CAMK2D: variants seen among roughly 807,000 people sequenced by gnomAD.
The protein encoded by CAMK2D is calcium/calmodulin-dependent protein kinase type II subunit delta.
Under a neutral mutation model 84.0 loss-of-function variants are expected in CAMK2D, and 37 were observed. The ratio of observed to expected loss-of-function variants is 0.44; its 90% CI spans 0.34 to 0.58. The LOEUF (loss-of-function observed/expected upper bound fraction) is 0.58, where lower values mean the gene tolerates loss of function less well. CAMK2D is among the 20% of genes least tolerant of loss of function. CAMK2D has a pLI of 0.02. For missense variants in CAMK2D, 448 were observed against 652.5 expected (o/e 0.69, Z 3.41); for synonymous variants, 202 against 212.5 (o/e 0.95, Z 0.43).
intron 2 of CAMK2D, among the ~76,000 whole-genome samples, chr4:113,709,102 T>G (rs894513566): frequency 2.0e-5 from 3 of 152,168 alleles, no homozygotes; most frequent in Non-Finnish European, 4.4e-5. Context: ...ATTGATACAG[T>G]AAGCTGATTT....
chr4:113,625,302 A>AC (rs1354773408), intron 3 of CAMK2D, among the ~76,000 whole-genome samples: 25 of 152,208 alleles, frequency 1.6e-4, no homozygotes, highest in African/African-American at 5.1e-4. Context: ...CTGAGCTCAC[A>AC]AAGTTTATGT....
intron 2 of CAMK2D, among the ~76,000 whole-genome samples, chr4:113,685,412 T>C (rs947204448): frequency 6.6e-6 from 1 of 151,814 alleles, no homozygotes; most frequent in Admixed American, 6.6e-5. Flanking sequence ...GTAATTTTCA[T>C]ATTTTTTGGT....
At chr4:113,692,103 A>C (rs1364183318) in intron 2 of CAMK2D, among the ~76,000 whole-genome samples, 1 of 152,172 alleles carries the variant, frequency 6.6e-6, no homozygotes, top group African/African-American at 2.4e-5. Context: ...TCTCTAAGAG[A>C]AGATTATCTC....
Position 113,547,658 on chromosome 4 carries a change from G to T in CAMK2D, c.400C>A (p.His134Asn). The T allele has an allele frequency of 6.4e-7, 1 of 1,567,276 alleles. No homozygotes were observed. The highest frequency in any genetic ancestry group is 2.3e-5 in the East Asian group (1 of 43,650). Residue 134 changes from histidine to asparagine, a missense_variant, in exon 6 of 21, where the codon CAT becomes AAT. Transcript: ENST00000511664. ...VLHCHQMGVV[H>N]RDLKPENLLL... is the part of the protein sequence containing the mutation. ...GCATTACTCACCTTCAGGTCCCGAT[G>T]GACCACGCCCATCTGATGGCAGTGT...
intron 16 of CAMK2D, among the ~76,000 whole-genome samples, chr4:113,476,513 CT>C (rs1211348255): frequency 6.6e-6 from 1 of 152,128 alleles, no homozygotes; most frequent in Non-Finnish European, 1.5e-5. Flanking sequence ...TACGGTTTAA[CT>C]TTAAAGCAAG....
intron 3 of CAMK2D, among the ~76,000 whole-genome samples, chr4:113,646,263 T>C (rs1259659556): frequency 1.3e-5 from 2 of 152,314 alleles, no homozygotes. Context: ...TACCCACACG[T>C]TGTTTAACTC....
At chr4:113,490,623 C>T (rs963368945) in intron 16 of CAMK2D, among the ~76,000 whole-genome samples, 7 of 151,566 alleles carry the variant, frequency 4.6e-5, no homozygotes, top group Admixed American at 1.3e-4. Context: ...CTTGGCGATG[C>T]GGGCTCTGTT....
intron 6 of CAMK2D, among the ~76,000 whole-genome samples, chr4:113,546,996 T>C (rs1052482150): frequency 2.0e-5 from 3 of 152,206 alleles, no homozygotes; most frequent in African/African-American, 2.4e-5. Context: ...GATATCCATA[T>C]ATATTTGCTA....
intron 4 of CAMK2D, among the ~76,000 whole-genome samples, chr4:113,563,910 G>A (rs1255534950): frequency 6.6e-6 from 1 of 152,134 alleles, no homozygotes; most frequent in African/African-American, 2.4e-5. Flanking sequence ...CTTCAGAAAA[G>A]GGGAAGAGGG....
At chr4:113,757,507 C>T (rs747381398) in intron 2 of CAMK2D, among the ~76,000 whole-genome samples, 30 of 152,060 alleles carry the variant, frequency 2.0e-4, no homozygotes, top group Non-Finnish European at 3.7e-4. Context: ...TCTTCACCAC[C>T]AGCTCACTCT....
intron 16 of CAMK2D, among the ~76,000 whole-genome samples, chr4:113,482,523 G>A (rs978023229): frequency 1.3e-5 from 2 of 152,204 alleles, no homozygotes; most frequent in Non-Finnish European, 2.9e-5. Context: ...GTATTGCAAT[G>A]AGTAATGCAG....
At chr4:113,637,829 G>C (rs12331807) in intron 3 of CAMK2D, among the ~76,000 whole-genome samples, 5,302 of 152,026 alleles carry the variant, frequency 0.035, 305 homozygotes, top group African/African-American at 0.12. Flanking sequence ...AGGCTGCCTG[G>C]ACATACCAGA....
At chr4:113,490,756 G>C (rs1299037673) in intron 16 of CAMK2D, among the ~76,000 whole-genome samples, 2 of 145,796 alleles carry the variant, frequency 1.4e-5, no homozygotes, top group Non-Finnish European at 3.0e-5. Context: ...TCACGATATT[G>C]ATTCTTCCTA....
At chr4:113,543,854 C>G (rs1466509350) in intron 6 of CAMK2D, among the ~76,000 whole-genome samples, 6 of 151,804 alleles carry the variant, frequency 4.0e-5, no homozygotes, top group Middle Eastern at 3.2e-3. Flanking sequence ...TGCAGTGGGG[C>G]GATCTCTGCT....
rs35503858 is a variant in CAMK2D, at chr4:113,526,414, ATGTG to A, written c.601+4798_601+4801del. ...ATAAGTTTCTAAGGAGTCATTCTTG[ATGTG>A]TGTGTGTGTGTGTGTGTGTGTGTGT... On this transcript the variant is annotated intron_variant, in intron 8 of 20. Transcript: ENST00000511664. Among the ~76,000 whole-genome samples, 8 of 149,676 alleles carry A rather than the reference ATGTG, an allele frequency of 5.3e-5. No homozygotes were observed. The South Asian group carries it at 8.5e-4, about 16-fold the overall frequency.
chr4:113,733,306 G>C (rs1011571145), intron 2 of CAMK2D, among the ~76,000 whole-genome samples: 7 of 152,168 alleles, frequency 4.6e-5, no homozygotes, highest in Non-Finnish European at 2.9e-5. Context: ...AAGGAGCCTT[G>C]GTCCTCAGTG....
chr4:113,690,564 G>A (rs1463116528), intron 2 of CAMK2D, among the ~76,000 whole-genome samples: 1 of 152,106 alleles, frequency 6.6e-6, no homozygotes, highest in Non-Finnish European at 1.5e-5. Flanking sequence ...ATTATTAAGA[G>A]CCAAAGTTGT....
At chr4:113,717,807 A>G (rs1425382985) in intron 2 of CAMK2D, among the ~76,000 whole-genome samples, 2 of 152,130 alleles carry the variant, frequency 1.3e-5, no homozygotes, top group African/African-American at 4.8e-5. Flanking sequence ...TTATATTAAT[A>G]TAACTATATT....
At chr4:113,522,315 C>T (rs2154174614) in intron 8 of CAMK2D, among the ~76,000 whole-genome samples, 1 of 152,264 alleles carries the variant, frequency 6.6e-6, no homozygotes, top group African/African-American at 2.4e-5. Flanking sequence ...ACATTATAAA[C>T]TTATAAGCAA....
Sources: allele counts gnomAD v4.1 joint callset (sites outside exome capture counted in the v4.1 genomes callset), GRCh38; gene constraint gnomAD v4.1.1; transcripts MANE v1.5; gene names NCBI Gene and HGNC (gene_info 2026-07-23, HGNC 2026-07-21).